The following HDAC9 variants were observed in gnomAD, a reference collection of about 807,000 sequenced individuals.
The protein encoded by HDAC9 is histone deacetylase 9.
HDAC9 carries 41 observed loss-of-function variants against 139.4 expected under a neutral mutation model. The ratio of observed to expected loss-of-function variants is 0.29; its 90% CI spans 0.23 to 0.38. The LOEUF (loss-of-function observed/expected upper bound fraction) is 0.38. HDAC9 is among the 10% of genes least tolerant of loss of function. The pLI, the probability that HDAC9 is intolerant of heterozygous loss-of-function variation, is 1.00. For missense variants in HDAC9, 1,147 were observed against 1,297.0 expected (o/e 0.88, Z 1.78); for synonymous variants, 517 against 476.2 (o/e 1.09, Z -1.12).
At chr7:18,957,272 C>T (rs1002373795) in intron 24 of HDAC9, among the ~76,000 whole-genome samples, 19 of 152,034 alleles carry the variant, frequency 1.2e-4, no homozygotes, top group Admixed American at 1.2e-3. Context: ...GTCTTAGGGG[C>T]CACTCTTCTA....
At chr7:18,814,350 A>G (rs1385452192) in intron 17 of HDAC9, among the ~76,000 whole-genome samples, 2 of 152,214 alleles carry the variant, frequency 1.3e-5, no homozygotes, top group African/African-American at 4.8e-5. Flanking sequence ...AAAATGAAAG[A>G]TATCTTCCAA....
At chr7:18,712,393 T>C (rs1784410688) in intron 12 of HDAC9, among the ~76,000 whole-genome samples, 1 of 152,232 alleles carries the variant, frequency 6.6e-6, no homozygotes, top group Admixed American at 6.5e-5. Flanking sequence ...CAGCAGTGCA[T>C]AGAGCTATTG....
intron 17 of HDAC9, among the ~76,000 whole-genome samples, chr7:18,809,296 T>C (rs1209149770): frequency 1.3e-5 from 2 of 151,890 alleles, no homozygotes; most frequent in African/African-American, 4.8e-5. Context: ...TTTTTGGTTA[T>C]ACACAAAAAG....
chr7:18,625,603 C>T (rs1365171203), intron 6 of HDAC9, among the ~76,000 whole-genome samples: 2 of 152,116 alleles, frequency 1.3e-5, no homozygotes, highest in African/African-American at 2.4e-5. Context: ...AACCACTGGC[C>T]TATTCTCTAC....
At chr7:18,466,525 G>A (rs1020243748) in intron 1 of HDAC9, among the ~76,000 whole-genome samples, 5 of 152,204 alleles carry the variant, frequency 3.3e-5, no homozygotes, top group African/African-American at 9.6e-5. Context: ...TTCAAAGCCA[G>A]TAATATTGGG....
At position 18,651,282 on chromosome 7, in the gene HDAC9, C is replaced by A. The variant is rs73683040; in HGVS notation, c.1467+2599C>A. 2.4e-3 allele frequency among the ~76,000 whole-genome samples: 359 copies of A among 152,094 alleles called. 2 individuals carry two copies. Among genetic ancestry groups the A allele is most frequent in the African/African-American group, 8.4e-3 (347 of 41,504 alleles). Reference sequence around the variant, plus strand: ...TTCCATGGATGAACCTTTATGAAACCCATTCATACTGAAGCGATGGTCCTT... The same window carrying A: ...TTCCATGGATGAACCTTTATGAAACACATTCATACTGAAGCGATGGTCCTT... On this transcript the variant is annotated intron_variant, in intron 11 of 25. Coordinates refer to ENST00000686413, the MANE Select transcript of HDAC9 (RefSeq NM_178425.4).
At chr7:18,473,415 A>G (rs970949575) in intron 1 of HDAC9, among the ~76,000 whole-genome samples, 18 of 152,302 alleles carry the variant, frequency 1.2e-4, no homozygotes, top group Admixed American at 8.5e-4. Context: ...CAGTTCCTAT[A>G]TACACATCAG....
At position 18,319,361 on chromosome 7, in the gene HDAC9, G is replaced by A. The variant is rs544990748; in HGVS notation, c.-42+28846G>A. ...AAAGCCAAAATGCAGTTTAAAATTAGGCACAATGTATCTACAAATAAAAGC... is the reference window on the plus strand; with the variant it reads ...AAAGCCAAAATGCAGTTTAAAATTAAGCACAATGTATCTACAAATAAAAGC... On this transcript the variant is annotated intron_variant, in intron 1 of 3. Transcript: ENST00000413509. Among the ~76,000 whole-genome samples, 57 of 152,110 alleles carry A rather than the reference G, an allele frequency of 3.7e-4. 1 individual carries two copies. Among genetic ancestry groups the A allele is most frequent in the Middle Eastern group, 3.4e-3 (1 of 294 alleles).
intron 2 of HDAC9, among the ~76,000 whole-genome samples, chr7:18,257,005 C>T (rs1025118986): frequency 1.3e-5 from 2 of 151,856 alleles, no homozygotes; most frequent in Admixed American, 6.6e-5. Flanking sequence ...GGGAGGATTG[C>T]TTGAGCCTGG....
chr7:18,689,880 A>G (rs529272145), intron 12 of HDAC9, among the ~76,000 whole-genome samples: 109 of 149,988 alleles, frequency 7.3e-4, no homozygotes, highest in Middle Eastern at 3.6e-3. Flanking sequence ...AATTTTATTA[A>G]GAAAAGAAAT....
Position 18,999,860 on chromosome 7 carries a change from T to C in HDAC9, c.*3798T>C, listed in dbSNP as rs1400489766. ...AATGAAAGAAGTATTAAAAGTCTTA[T>C]GGCCCCAAAAGAAACAAGCCAAACT... On this transcript the variant is annotated 3_prime_UTR_variant, in exon 26 of 26. Coordinates refer to ENST00000686413, the MANE Select transcript of HDAC9 (RefSeq NM_178425.4). 2.0e-5 allele frequency: 3 copies of C among 149,578 alleles called. No individual in the cohort carries two copies. Among genetic ancestry groups the C allele is most frequent in the South Asian group, 2.3e-4 (1 of 4,412 alleles). The allele number at this position is 149,578 out of a possible 1,614,324, so 9.3% of individuals were successfully genotyped here.
rs562706575 is a variant in HDAC9 at position 18,752,980 on chromosome 7, GTCTGGGTGAT to G, written c.2043+3848_2043+3857del. 3.7e-3 allele frequency among the ~76,000 whole-genome samples: 568 copies of G among 152,206 alleles called. 2 individuals carry two copies. The highest frequency in any genetic ancestry group is 0.017 in the Middle Eastern group (5 of 294). ...TCAGAGAATCTCGTTGCTAACATGT[GTCTGGGTGAT>G]TCTGGTACTTTTGGCCTGGACACCA... On this transcript the variant is annotated intron_variant, in intron 14 of 25. Coordinates refer to ENST00000686413, the MANE Select transcript of HDAC9 (RefSeq NM_178425.4).
chr7:18,115,807 A>G (rs186781945), intron 1 of HDAC9, among the ~76,000 whole-genome samples: 36 of 152,352 alleles, frequency 2.4e-4, no homozygotes, highest in Middle Eastern at 3.4e-3. Context: ...AGCTGATACT[A>G]CTATCATCAT....
rs2128139132 is a variant in HDAC9, at chr7:18,495,972, T to C, written c.-93T>C. 1 of 1,270,200 alleles carries C rather than the reference T, an allele frequency of 7.9e-7. No homozygotes were observed. Among genetic ancestry groups the C allele is most frequent in the Admixed American group, 3.8e-5 (1 of 26,122 alleles). 78.7% of individuals were successfully genotyped at this position (1,270,200 alleles called of 1,614,324 possible). On this transcript the variant is annotated 5_prime_UTR_variant, in exon 1 of 26. Coordinates refer to ENST00000686413, the MANE Select transcript of HDAC9 (RefSeq NM_178425.4). Reference sequence around the variant, plus strand: ...CCTGCTTGTAGTTTCCGGGATAACCTAAACTCCAGAGAGCTATAGCATCCA... The same window carrying C: ...CCTGCTTGTAGTTTCCGGGATAACCCAAACTCCAGAGAGCTATAGCATCCA...
chr7:18,369,193 A>G lies in HDAC9; in HGVS notation c.-42+78678A>G, dbSNP rs548879243. ...TCTATTTTTTTGAATTAGAAATGCA[A>G]TTCTGGATTGTTGTAAATGAATTAT... On this transcript the variant is annotated intron_variant, in intron 1 of 3. Transcript: ENST00000413509. Among the ~76,000 whole-genome samples, 6 of 152,150 alleles carry G rather than the reference A, an allele frequency of 3.9e-5. No homozygotes were observed. The East Asian group carries it at 9.6e-4, about 24-fold the overall frequency.
intron 1 of HDAC9, among the ~76,000 whole-genome samples, chr7:18,093,152 G>T (rs941138039): frequency 6.6e-6 from 1 of 152,186 alleles, no homozygotes; most frequent in Non-Finnish European, 1.5e-5. Context: ...TATCTATTTT[G>T]TATCTCAAAC....
intron 2 of HDAC9, among the ~76,000 whole-genome samples, chr7:18,209,499 T>A (rs1791784171): frequency 6.6e-6 from 1 of 152,204 alleles, no homozygotes; most frequent in Non-Finnish European, 1.5e-5. Flanking sequence ...TACTCTGGTG[T>A]GAACTGTGAT....
intron 6 of HDAC9, among the ~76,000 whole-genome samples, chr7:18,624,240 G>T (rs1429954563): frequency 6.6e-6 from 1 of 152,108 alleles, no homozygotes; most frequent in Non-Finnish European, 1.5e-5. Context: ...GTGTACCATG[G>T]AGACTAGTAT....
chr7:18,888,617 G>T (rs17350341), intron 22 of HDAC9, among the ~76,000 whole-genome samples: 31,572 of 152,096 alleles, frequency 0.21, 3,620 homozygotes, highest in South Asian at 0.33. Flanking sequence ...CCAGATCTTA[G>T]TATCAGCTTC....
Sources: allele counts gnomAD v4.1 joint callset (sites outside exome capture counted in the v4.1 genomes callset), GRCh38; gene constraint gnomAD v4.1.1; transcripts MANE v1.5; gene names NCBI Gene and HGNC (gene_info 2026-07-23, HGNC 2026-07-21).